The following USP9X variants were observed in gnomAD, a reference collection of about 807,000 sequenced individuals.
USP9X encodes the protein ubiquitin carboxyl-terminal hydrolase 9X.
Under a neutral mutation model 190.3 loss-of-function variants are expected in USP9X, and 7 were observed. The observed-to-expected ratio is 0.04, with a 90% CI of 0.02 to 0.07. The LOEUF is 0.07. Among genes scored for constraint, USP9X ranks in the 10% least tolerant of loss-of-function variants. The pLI is 1.00. For synonymous variants in USP9X, 645 were observed against 659.5 expected, an observed-to-expected ratio of 0.98 and a Z score of 0.34; for missense variants, 1,010 against 1,916.9, an observed-to-expected ratio of 0.53 and a Z score of 8.83.
intron 14 of USP9X, among the ~76,000 whole-genome samples, chrX:41,153,979 A>G (rs1174454723): frequency 8.9e-6 from 1 of 112,071 alleles, no homozygotes; most frequent in Non-Finnish European, 1.9e-5. Flanking sequence ...TAGGCTTTTG[A>G]CATTATTGAA....
rs186056208 is a variant in USP9X, at chrX:41,157,436, T to G, written c.1897+4355T>G. On this transcript the variant is annotated intron_variant, in intron 14 of 44. Transcript: ENST00000378308. ...CACAGCGTTTGGCCAATAAGGGGCTTATACTGATGCAGGGGCAACTCCTAG... is the reference window on the plus strand; with the variant it reads ...CACAGCGTTTGGCCAATAAGGGGCTGATACTGATGCAGGGGCAACTCCTAG... Among the ~76,000 whole-genome samples, 14 of 111,221 alleles carry G rather than the reference T, an allele frequency of 1.3e-4. No individual in the cohort carries two copies. The East Asian group carries it at 3.7e-3, about 29-fold the overall frequency.
At chrX:41,172,959 G>A (rs1046881383) in intron 21 of USP9X, among the ~76,000 whole-genome samples, 5 of 111,619 alleles carry the variant, frequency 4.5e-5, no homozygotes, top group Admixed American at 2.9e-4. Context: ...GTGCCTTAGC[G>A]TTAAGTCTGT....
At chrX:41,097,947 A>T (rs970732852) in intron 1 of USP9X, among the ~76,000 whole-genome samples, 6 of 111,780 alleles carry the variant, frequency 5.4e-5, no homozygotes, top group African/African-American at 2.0e-4. Context: ...TATCTACTGT[A>T]AATTTTATTT....
chrX:41,174,360 C>T (rs760369915), intron 21 of USP9X, among the ~76,000 whole-genome samples: 2 of 111,530 alleles, frequency 1.8e-5, no homozygotes, highest in Non-Finnish European at 3.8e-5. Flanking sequence ...CACCCCCACC[C>T]CCCATGGATA....
Position 41,109,770 on chromosome X carries a change from T to TGG in USP9X, c.-158-13694_-158-13693dup, listed in dbSNP as rs111621725. On this transcript the variant is annotated intron_variant, in intron 1 of 44. Transcript: ENST00000378308. ...TCTAGAAGTAGCATCACACTGGGGA[T>TGG]GGGGGGGGCAGGAAACCTGTGCTTA... 5.4e-3 allele frequency among the ~76,000 whole-genome samples: 589 copies of TGG among 109,034 alleles called. 6 individuals are homozygous for TGG. Among genetic ancestry groups the TGG allele is most frequent in the East Asian group, 0.042 (142 of 3,402 alleles). The allele number at this position is 109,034 out of a possible 115,157, so 94.7% of individuals were successfully genotyped here. A position where few individuals can be genotyped will look rare whatever the true frequency, so the allele number is the denominator to read the frequency against.
chrX:41,140,188 C>T (rs1469982352), intron 6 of USP9X, among the ~76,000 whole-genome samples: 1 of 112,055 alleles, frequency 8.9e-6, no homozygotes, highest in Non-Finnish European at 1.9e-5. Context: ...TGACAATTGA[C>T]TCTCAGGCTA....
At chrX:41,178,875 G>A (rs960409527) in intron 21 of USP9X, among the ~76,000 whole-genome samples, 3 of 111,750 alleles carry the variant, frequency 2.7e-5, no homozygotes, top group Non-Finnish European at 5.6e-5. Context: ...CCCATCTTGA[G>A]TTTATTTTTA....
In USP9X at chrX:41,186,787, A is replaced by G. The variant is rs767690275; in HGVS notation, c.3684+145A>G. On this transcript the variant is annotated intron_variant, in intron 24 of 44. Coordinates refer to ENST00000378308, the MANE Select transcript of USP9X (RefSeq NM_001039591.3). ...GTACTTTCTGTTTTTAATCAACTTT[A>G]TGTATAATAAACAGCATCCTTTTAA... is the stretch of plus-strand genomic sequence containing the variant. 1.5e-5 allele frequency: 10 copies of G among 678,960 alleles called. No individual in the cohort carries two copies. The East Asian group carries it at 3.3e-4, about 22-fold the overall frequency. The allele number at this position is 678,960 out of a possible 1,213,427, so 56.0% of individuals were successfully genotyped here. A position where few individuals can be genotyped will look rare whatever the true frequency, so the allele number is the denominator to read the frequency against.
intron 2 of USP9X, among the ~76,000 whole-genome samples, chrX:41,125,136 C>T (rs936300002): frequency 1.8e-5 from 2 of 110,937 alleles, no homozygotes; most frequent in Admixed American, 1.9e-4. Context: ...AGTGCAGTGG[C>T]GCGATCTTGG....
intron 4 of USP9X, among the ~76,000 whole-genome samples, chrX:41,132,504 A>G (rs1300326036): frequency 9.1e-6 from 1 of 110,328 alleles, no homozygotes; most frequent in Non-Finnish European, 1.9e-5. Context: ...GGGTTTCACC[A>G]TGTTGGCCAG....
In USP9X at chrX:41,171,935, T is replaced by C. The variant is rs752735734; in HGVS notation, c.3125T>C (p.Val1042Ala). 1.1e-5 allele frequency: 13 copies of C among 1,208,198 alleles called. No individual in the cohort carries two copies. Among genetic ancestry groups the C allele is most frequent in the Non-Finnish European group, 1.5e-5 (13 of 894,665 alleles). ...CCACCCCTTAGAGATGGAGCAAGAG[T>C]ACTTATGAAACTTATGCCGCCAGGT... ...NMPPLRDGAR[V>A]LMKLMPPDST... The change falls in exon 21 of 45, where the codon GTA becomes GCA. Residue 1042 changes from valine to alanine, a missense_variant. Coordinates refer to ENST00000378308, the MANE Select transcript of USP9X (RefSeq NM_001039591.3).
At chrX:41,200,227 A>G (rs1034050332) in intron 30 of USP9X, among the ~76,000 whole-genome samples, 1 of 110,602 alleles carries the variant, frequency 9.0e-6, no homozygotes, top group Admixed American at 9.6e-5. Context: ...TTTTTTTTTT[A>G]ACTTAATGGG....
chrX:41,191,486 T>C (rs1331626435), intron 26 of USP9X, among the ~76,000 whole-genome samples: 2 of 111,731 alleles, frequency 1.8e-5, no homozygotes, highest in African/African-American at 6.5e-5. Context: ...ACTTCTCACT[T>C]AATCCGTATA....
chrX:41,208,462 CCA>C (rs1175595229), intron 32 of USP9X, among the ~76,000 whole-genome samples: 1 of 111,880 alleles, frequency 8.9e-6, no homozygotes, highest in African/African-American at 3.3e-5. Flanking sequence ...TTTGGATTAT[CCA>C]CACTTTAGAC....
intron 32 of USP9X, among the ~76,000 whole-genome samples, chrX:41,207,850 C>T (rs1373223697): frequency 9.1e-6 from 1 of 109,745 alleles, no homozygotes; most frequent in Non-Finnish European, 1.9e-5. Context: ...CGTGGACCAC[C>T]CTCCCTCCCA....
chrX:41,216,446 A>T lies in USP9X; in HGVS notation c.5879A>T (p.Asp1960Val). Residue 1960 changes from aspartate (D) to valine (V), a missense_variant, in exon 35 of 45, where the codon GAC becomes GTC. Asp to Val is a radical substitution (Grantham distance 152, BLOSUM62 -3). Coordinates refer to ENST00000378308, the MANE Select transcript of USP9X (RefSeq NM_001039591.3). ...TTTTATGAACGAATGGACACAATAG[A>T]CCAAGATGATGAGTTGATAAGATAT... ...ILFYERMDTIDQDDELIRYIS... is the reference protein window; with the variant it reads ...ILFYERMDTIVQDDELIRYIS... The T allele has an allele frequency of 8.3e-7, 1 of 1,211,576 alleles. No homozygotes were observed.
chrX:41,123,759 G>C (rs1424247132), intron 2 of USP9X, 35 bp downstream of exon 2: 2 of 1,152,404 alleles, frequency 1.7e-6, no homozygotes, highest in Non-Finnish European at 2.4e-6. Flanking sequence ...AAGCTACAGT[G>C]GGGCTGGACT....
At chrX:41,227,687 C>T (rs1480584740) in intron 41 of USP9X, among the ~76,000 whole-genome samples, 1 of 110,996 alleles carries the variant, frequency 9.0e-6, no homozygotes, top group Non-Finnish European at 1.9e-5. Flanking sequence ...ATAGCCATTA[C>T]CACTATCTGA....
Position 41,207,079 on chromosome X carries a change from CTTTTTTTTTTTTT to C in USP9X, c.5015+1600_5015+1612del, listed in dbSNP as rs34779889. ...TAGGCATGAGCTACTGCTCCCTGGC[CTTTTTTTTTTTTT>C]TTTTTTTTTTTTTGGAGATAGAGTC... is the stretch of plus-strand genomic sequence containing the variant. On this transcript the variant is annotated intron_variant, in intron 32 of 44. Transcript: ENST00000378308. Among the ~76,000 whole-genome samples, 248 of 30,502 alleles carry C rather than the reference CTTTTTTTTTTTTT, an allele frequency of 8.1e-3. 7 individuals carry two copies. In the Admixed American group the frequency reaches 0.12, roughly 14 times the overall value. 26.5% of individuals were successfully genotyped at this position (30,502 alleles called of 115,157 possible). A position where few individuals can be genotyped will look rare whatever the true frequency, so the allele number is the denominator to read the frequency against.
Sources: allele counts gnomAD v4.1 joint callset (sites outside exome capture counted in the v4.1 genomes callset), GRCh38; gene constraint gnomAD v4.1.1; transcripts MANE v1.5; gene names NCBI Gene and HGNC (gene_info 2026-07-23, HGNC 2026-07-21).